FAM118B: variants seen among roughly 807,000 people sequenced by gnomAD.
The protein encoded by FAM118B is SIR2 antiphage like 1, also known as protein FAM118B.
Under a neutral mutation model 38.5 loss-of-function variants are expected in FAM118B, and 24 were observed. That is an observed-to-expected ratio of 0.62 (90% CI 0.45 to 0.88). The LOEUF is 0.88. Ranked by LOEUF, FAM118B falls within the 40% of genes least tolerant of loss-of-function variation. FAM118B has a pLI of 0.00. For missense variants in FAM118B, 334 were observed against 420.0 expected (o/e 0.80, Z 1.79); for synonymous variants, 138 against 156.3 (o/e 0.88, Z 0.87).
intron 3 of FAM118B, among the ~76,000 whole-genome samples, chr11:126,237,206 G>A (rs572576034): frequency 3.8e-4 from 48 of 124,822 alleles, no homozygotes; most frequent in African/African-American, 1.4e-3. Flanking sequence ...GTGAGCCACC[G>A]CGCCTGGCCT....
intron 3 of FAM118B, among the ~76,000 whole-genome samples, chr11:126,238,137 G>A (rs531874192): frequency 5.3e-4 from 80 of 152,200 alleles, no homozygotes; most frequent in East Asian, 1.5e-3. Context: ...CAAGGCAGGC[G>A]GATCACTTGA....
intron 1 of FAM118B, among the ~76,000 whole-genome samples, chr11:126,227,113 A>G (rs1591506736): frequency 8.5e-6 from 1 of 117,580 alleles, no homozygotes; most frequent in Non-Finnish European, 1.6e-5. Flanking sequence ...CCCAGGCTGG[A>G]GGGCAGTGGC....
intron 1 of FAM118B, among the ~76,000 whole-genome samples, chr11:126,221,013 C>T (rs1340852718): frequency 1.3e-5 from 2 of 151,998 alleles, no homozygotes; most frequent in Non-Finnish European, 2.9e-5. Flanking sequence ...ATAGTGAAAC[C>T]CTGTCTTTAC....
intron 1 of FAM118B, among the ~76,000 whole-genome samples, chr11:126,228,890 A>AT (rs1950175823): frequency 6.6e-6 from 1 of 152,182 alleles, no homozygotes. Context: ...AATATCCTTT[A>AT]TAATGATGGC....
intron 3 of FAM118B, 114 bp from the exon 4 acceptor site, chr11:126,240,678 T>C: frequency 7.2e-6 from 8 of 1,111,556 alleles, no homozygotes; most frequent in Non-Finnish European, 1.0e-5. Context: ...CTGCTGTTCA[T>C]CTTCTTTGCA....
rs1314272875 is a variant in FAM118B, at chr11:126,252,864, G to A, written c.568-1441G>A. Reference sequence around the variant, plus strand: ...AGCCTGTCCAACATGGTGAAACCCCGTCTTTACTAAGAATACAAAAACTAG... The same window carrying A: ...AGCCTGTCCAACATGGTGAAACCCCATCTTTACTAAGAATACAAAAACTAG... On this transcript the variant is annotated intron_variant, in intron 5 of 8. Coordinates refer to ENST00000533050, the MANE Select transcript of FAM118B (RefSeq NM_024556.4). The surrounding 1 kb of genome is among the most constrained non-coding windows in gnomAD (Gnocchi z 4.7). Among the ~76,000 whole-genome samples, 6 of 151,992 alleles carry A rather than the reference G, an allele frequency of 3.9e-5. No homozygotes were observed. Among genetic ancestry groups the A allele is most frequent in the African/African-American group, 9.7e-5 (4 of 41,364 alleles).
chr11:126,234,337 C>T (rs1044148850), intron 2 of FAM118B, among the ~76,000 whole-genome samples: 3 of 152,140 alleles, frequency 2.0e-5, no homozygotes, highest in African/African-American at 7.2e-5. Flanking sequence ...TAATTATTTA[C>T]TTTTGCCAGT....
At chr11:126,243,603 G>T (rs1950384603) in intron 4 of FAM118B, among the ~76,000 whole-genome samples, 1 of 152,048 alleles carries the variant, frequency 6.6e-6, no homozygotes, top group African/African-American at 2.4e-5. Context: ...TGAAAGGTTG[G>T]TTTAACATCT....
intron 7 of FAM118B, chr11:126,260,822 T>C (rs1950676278): frequency 6.6e-6 from 1 of 152,316 alleles, no homozygotes; most frequent in South Asian, 2.1e-4. Context: ...CTATTATCTA[T>C]GCCAAGTGTT....
At chr11:126,228,499 C>T (rs1408081974) in intron 1 of FAM118B, among the ~76,000 whole-genome samples, 1 of 151,968 alleles carries the variant, frequency 6.6e-6, no homozygotes, top group Non-Finnish European at 1.5e-5. Context: ...TGGGCCTAGC[C>T]CATTTTAATT....
At position 126,250,452 on chromosome 11, in the gene FAM118B, A is replaced by G; in HGVS notation, c.340-54A>G. On this transcript the variant is annotated intron_variant, in intron 4 of 8. Transcript: ENST00000533050. This position sits in a 1 kb window ranked among gnomAD's most constrained non-coding sequence, Gnocchi z 5.1. The stretch of plus-strand genomic sequence containing the variant: ...ATTTGTTACTGCTGTAACTAAAACA[A>G]CTGACCTACCAAAGCACTTTGGACT... The G allele has an allele frequency of 7.9e-7, 1 of 1,268,966 alleles. No individual in the cohort carries two copies. Among genetic ancestry groups the G allele is most frequent in the Non-Finnish European group, 1.1e-6 (1 of 880,334 alleles). The allele number at this position is 1,268,966 out of a possible 1,614,324, so 78.6% of individuals were successfully genotyped here.
chr11:126,211,956 T>C (rs376583444), intron 1 of FAM118B, 126 bp downstream of exon 1: 2 of 321,232 alleles, frequency 6.2e-6, no homozygotes, highest in Non-Finnish European at 1.2e-5. Flanking sequence ...CTCCTTTTGG[T>C]ACACGATCCC....
intron 4 of FAM118B, among the ~76,000 whole-genome samples, chr11:126,248,166 AAAAAT>A (rs962130659): frequency 1.6e-3 from 246 of 150,334 alleles, no homozygotes; most frequent in Non-Finnish European, 3.0e-3. Context: ...AAAATAAATA[AAAAAT>A]AAAATAAAAT....
intron 2 of FAM118B, among the ~76,000 whole-genome samples, chr11:126,230,465 A>G (rs1382229567): frequency 1.3e-5 from 2 of 152,214 alleles, no homozygotes; most frequent in African/African-American, 4.8e-5. Context: ...ACCCTTTTCT[A>G]TATTTATGCT....
Position 126,256,498 on chromosome 11 carries a change from A to T in FAM118B, c.697-69A>T. The T allele has an allele frequency of 6.8e-7, 1 of 1,470,104 alleles. No individual in the cohort carries two copies. The highest frequency in any genetic ancestry group is 9.3e-7 in the Non-Finnish European group (1 of 1,070,628). The allele number at this position is 1,470,104 out of a possible 1,614,324, so 91.1% of individuals were successfully genotyped here. Reference sequence around the variant, plus strand: ...ATCACAGTCTGCTCAACGTAGCATGACCTTCTTGTTTCAGACTTGCCTTGA... The same window carrying T: ...ATCACAGTCTGCTCAACGTAGCATGTCCTTCTTGTTTCAGACTTGCCTTGA... On this transcript the variant is annotated intron_variant, in intron 6 of 8. Coordinates refer to ENST00000533050, the MANE Select transcript of FAM118B (RefSeq NM_024556.4). The surrounding 1 kb of genome is among the most constrained non-coding windows in gnomAD (Gnocchi z 6.6).
chr11:126,242,016 C>T (rs961974337), intron 4 of FAM118B, among the ~76,000 whole-genome samples: 1 of 103,136 alleles, frequency 9.7e-6, no homozygotes, highest in Non-Finnish European at 1.8e-5. Context: ...CAGAGGAAGA[C>T]TCCGTCTCAA....
At chr11:126,215,401 T>C (rs557113641) in intron 1 of FAM118B, among the ~76,000 whole-genome samples, 2 of 152,280 alleles carry the variant, frequency 1.3e-5, no homozygotes, top group South Asian at 4.1e-4. Context: ...TGTTGGAATA[T>C]ACTTTTAAGA....
intron 2 of FAM118B, among the ~76,000 whole-genome samples, chr11:126,232,869 A>G (rs1216148619): frequency 2.0e-5 from 3 of 152,172 alleles, no homozygotes; most frequent in Admixed American, 6.5e-5. Context: ...AGTGAGTCAC[A>G]TAAGTTAAAA....
intron 3 of FAM118B, among the ~76,000 whole-genome samples, chr11:126,239,353 A>G (rs1205069076): frequency 1.3e-5 from 2 of 152,174 alleles, no homozygotes; most frequent in African/African-American, 4.8e-5. Flanking sequence ...GAAAAGTAAA[A>G]AGTCCTTATT....
Sources: gnomAD v4.1 joint callset for allele counts (sites outside exome capture counted in the v4.1 genomes callset) on GRCh38, gnomAD v4.1.1 for gene constraint, Gnocchi (gnomAD v3.1) non-coding constraint, MANE v1.5 for transcripts, NCBI Gene and HGNC (gene_info 2026-07-23, HGNC 2026-07-21) for gene names.